Variants in FSTL4 observed in about 807,000 individuals in gnomAD.
FSTL4 encodes the protein follistatin like 4.
FSTL4 carries 28 observed loss-of-function variants against 78.2 expected under a neutral mutation model. The ratio of observed to expected loss-of-function variants is 0.36; its 90% confidence interval spans 0.27 to 0.49. The LOEUF (loss-of-function observed/expected upper bound fraction) is 0.49, where lower values mean the gene tolerates loss of function less well. Ranked by LOEUF, FSTL4 falls within the 20% of genes least tolerant of loss-of-function variation. FSTL4 has a pLI of 0.98. For missense variants in FSTL4, 922 were observed against 1,084.9 expected (o/e 0.85, Z 2.11); for synonymous variants, 422 against 440.5 (o/e 0.96, Z 0.53).
intron 2 of FSTL4, among the ~76,000 whole-genome samples, chr5:133,589,832 G>A (rs1760586933): frequency 6.6e-6 from 1 of 152,154 alleles, no homozygotes; most frequent in South Asian, 2.1e-4. Context: ...ATGCTAGATA[G>A]TCAGAAAGCC....
rs1475917849 is a variant in FSTL4, at chr5:133,197,814, T to C, written c.*1281A>G. ...TGCTGAGTCTCTGATCTAGGCGGTC[T>C]CCAGAGGGCTATGTGGGTTGTACTT... On this transcript the variant is annotated 3_prime_UTR_variant, in exon 16 of 16. Coordinates refer to ENST00000265342, the MANE Select transcript of FSTL4 (RefSeq NM_015082.2). The C allele has an allele frequency of 2.0e-5, 3 of 152,220 alleles. No individual in the cohort carries two copies. Among genetic ancestry groups the C allele is most frequent in the Non-Finnish European group, 4.4e-5 (3 of 68,070 alleles). 9.4% of individuals were successfully genotyped at this position (152,220 alleles called of 1,614,324 possible). A position where few individuals can be genotyped will look rare whatever the true frequency, so the allele number is the denominator to read the frequency against.
chr5:133,726,084 T>C, the FSTL4 span, among the ~76,000 whole-genome samples: 370 of 152,274 alleles, frequency 2.4e-3, 1 homozygote, highest in African/African-American at 8.5e-3. Context: ...TGCTGACTAT[T>C]AGCTGAGAAA....
chr5:133,396,090 C>A (rs994233319), intron 4 of FSTL4, among the ~76,000 whole-genome samples: 4 of 152,150 alleles, frequency 2.6e-5, no homozygotes, highest in African/African-American at 9.7e-5. Flanking sequence ...TCTTCTCTCC[C>A]CTCATTCACA....
At chr5:133,541,868 G>T (rs970845886) in intron 3 of FSTL4, among the ~76,000 whole-genome samples, 5 of 151,516 alleles carry the variant, frequency 3.3e-5, no homozygotes, top group Non-Finnish European at 5.9e-5. Flanking sequence ...GGTGTACATT[G>T]CTACTGGAGT....
At chr5:133,373,417 G>A (rs897868218) in intron 4 of FSTL4, among the ~76,000 whole-genome samples, 3 of 152,220 alleles carry the variant, frequency 2.0e-5, no homozygotes, top group South Asian at 4.1e-4. Context: ...CATCCTGAGA[G>A]TAAGAATGTG....
At chr5:133,475,590 G>T (rs246960) in intron 3 of FSTL4, among the ~76,000 whole-genome samples, 31,298 of 152,074 alleles carry the variant, frequency 0.21, 4,590 homozygotes, top group African/African-American at 0.42. Flanking sequence ...CACTTAACTC[G>T]TTATTTCTGC....
At position 133,199,616 on chromosome 5, in the gene FSTL4, G is replaced by A. The variant is rs770848990; in HGVS notation, c.2008C>T (p.Arg670Ter). The change falls in exon 16 of 16, where the codon CGA becomes TGA. Residue 670 changes from arginine to a stop codon, truncating the protein, a stop_gained. Coordinates refer to ENST00000265342, the MANE Select transcript of FSTL4 (RefSeq NM_015082.2). LOFTEE classifies it low-confidence loss of function (END_TRUNC). This position sits in a 1 kb window ranked among gnomAD's most constrained non-coding sequence, Gnocchi z 4.4. The stretch of plus-strand genomic sequence containing the variant: ...GTGACACTGTCAACGAGCAGCTGTC[G>A]GGCAGCAGAGGCGGGGCTGTCCTGT... Reference protein sequence around the residue: ...CRQDSPASAARQLLVDSVTDS... With the variant: ...CRQDSPASAA The A allele has an allele frequency of 6.8e-6, 11 of 1,614,046 alleles. No homozygotes were observed. The highest frequency in any genetic ancestry group is 8.5e-6 in the Non-Finnish European group (10 of 1,180,030).
At chr5:133,444,817 C>CA (rs2127005584) in intron 3 of FSTL4, among the ~76,000 whole-genome samples, 1 of 152,326 alleles carries the variant, frequency 6.6e-6, no homozygotes, top group Non-Finnish European at 1.5e-5. Context: ...CACGAGGGCT[C>CA]AAGCAGCCCC....
At chr5:133,796,629 T>A in the FSTL4 span, among the ~76,000 whole-genome samples, 1 of 151,970 alleles carries the variant, frequency 6.6e-6, no homozygotes, top group African/African-American at 2.4e-5. Flanking sequence ...CGTTCAGACA[T>A]TCCTCCTCTT....
At chr5:133,514,318 A>G (rs180829215) in intron 3 of FSTL4, among the ~76,000 whole-genome samples, 21 of 152,130 alleles carry the variant, frequency 1.4e-4, no homozygotes, top group African/African-American at 1.9e-4. Flanking sequence ...AGAAGAGGAT[A>G]AAGGAAAAAC....
At chr5:133,833,023 G>C in the FSTL4 span, among the ~76,000 whole-genome samples, 1 of 152,108 alleles carries the variant, frequency 6.6e-6, no homozygotes, top group South Asian at 2.1e-4. Flanking sequence ...ACAAAAAAAT[G>C]TGAAAGGTCA....
chr5:133,402,810 G>A (rs1456086716), intron 3 of FSTL4, among the ~76,000 whole-genome samples: 6 of 152,206 alleles, frequency 3.9e-5, no homozygotes, highest in Non-Finnish European at 8.8e-5. Flanking sequence ...GTATAAAAGT[G>A]CAGATCCTAA....
At chr5:133,556,153 A>T (rs1438814211) in intron 3 of FSTL4, among the ~76,000 whole-genome samples, 1 of 152,168 alleles carries the variant, frequency 6.6e-6, no homozygotes, top group African/African-American at 2.4e-5. Flanking sequence ...AATTACACAA[A>T]CATTATCAGA....
chr5:133,616,350 T>TATCTATCTATC (rs1360309915), upstream of FSTL4, among the ~76,000 whole-genome samples: 1 of 151,678 alleles, frequency 6.6e-6, no homozygotes, highest in Non-Finnish European at 1.5e-5. Context: ...TCTATCTATC[T>TATCTATCTATC]ATCTAATTTT....
chr5:133,603,601 A>C (rs1243617058), intron 2 of FSTL4, among the ~76,000 whole-genome samples: 1 of 152,208 alleles, frequency 6.6e-6, no homozygotes, highest in East Asian at 1.9e-4. Flanking sequence ...GTAGAGACTA[A>C]CCAGGCAATT....
chr5:133,472,676 G>C (rs1218110392), intron 3 of FSTL4, among the ~76,000 whole-genome samples: 3 of 152,176 alleles, frequency 2.0e-5, no homozygotes, highest in African/African-American at 7.2e-5. Context: ...TCCAACATTG[G>C]CATCTCACAG....
intron 4 of FSTL4, among the ~76,000 whole-genome samples, chr5:133,350,041 C>T (rs1013162562): frequency 6.9e-6 from 1 of 145,906 alleles, no homozygotes; most frequent in African/African-American, 2.6e-5. Flanking sequence ...GTAAAGGACC[C>T]ATAGGATGGA....
the FSTL4 span, among the ~76,000 whole-genome samples, chr5:133,826,240 T>G: frequency 3.7e-4 from 57 of 152,210 alleles, no homozygotes; most frequent in Admixed American, 3.7e-3. Flanking sequence ...ATGCTCAGCC[T>G]GACAGGACTG....
At chr5:133,831,891 G>T in the FSTL4 span, among the ~76,000 whole-genome samples, 1 of 152,302 alleles carries the variant, frequency 6.6e-6, no homozygotes, top group Non-Finnish European at 1.5e-5. Context: ...TCGGGTCCCT[G>T]TGTCCAAGGG....
Sources: allele counts gnomAD v4.1 joint callset (sites outside exome capture counted in the v4.1 genomes callset), GRCh38; gene constraint gnomAD v4.1.1; non-coding constraint Gnocchi (gnomAD v3.1); transcripts MANE v1.5; gene names NCBI Gene and HGNC (gene_info 2026-07-23, HGNC 2026-07-21).